The following PLEKHH2 variants were observed in gnomAD, a reference collection of about 807,000 sequenced individuals.
The protein encoded by PLEKHH2 is pleckstrin homology, MyTH4 and FERM domain containing H2.
A neutral mutation model predicts 187.9 loss-of-function variants in PLEKHH2; 129 were observed. The observed-to-expected ratio is 0.69, with a 90% confidence interval of 0.59 to 0.79. The LOEUF (loss-of-function observed/expected upper bound fraction) is 0.79, where lower values mean the gene tolerates loss of function less well. Ranked by LOEUF, PLEKHH2 falls within the 30% of genes least tolerant of loss-of-function variation. The pLI is 0.00. For missense variants in PLEKHH2, 2,076 were observed against 1,751.2 expected, an observed-to-expected ratio of 1.19 and a Z score of -3.31; for synonymous variants, 686 against 605.6, an observed-to-expected ratio of 1.13 and a Z score of -1.95.
At chr2:43,640,979 G>A (rs1048804149) in intron 1 of PLEKHH2, among the ~76,000 whole-genome samples, 18 of 125,038 alleles carry the variant, frequency 1.4e-4, no homozygotes, top group African/African-American at 5.2e-4. Context: ...TTTTAATAAA[G>A]ACAGGGTTTT....
intron 21 of PLEKHH2, among the ~76,000 whole-genome samples, chr2:43,742,095 G>C (rs576412438): frequency 1.2e-4 from 18 of 152,024 alleles, no homozygotes; most frequent in African/African-American, 4.1e-4. Flanking sequence ...CCACCTCCAA[G>C]GTCCAAGTGA....
intron 3 of PLEKHH2, among the ~76,000 whole-genome samples, chr2:43,690,928 T>C (rs909774458): frequency 6.6e-6 from 1 of 152,254 alleles, no homozygotes; most frequent in Non-Finnish European, 1.5e-5. Flanking sequence ...TAGGAAAATC[T>C]AAACTTTACT....
At chr2:43,689,975 C>A (rs565874615) in intron 3 of PLEKHH2, among the ~76,000 whole-genome samples, 14 of 152,286 alleles carry the variant, frequency 9.2e-5, no homozygotes, top group African/African-American at 2.6e-4. Context: ...TAAAAGGACA[C>A]TAGATGTAGG....
At chr2:43,717,902 A>T (rs1365564550) in intron 15 of PLEKHH2, among the ~76,000 whole-genome samples, 1 of 152,234 alleles carries the variant, frequency 6.6e-6, no homozygotes, top group African/African-American at 2.4e-5. Context: ...ACACCAAAAA[A>T]TGCTAGCTAT....
chr2:43,728,562 CT>C (rs112664271), intron 17 of PLEKHH2, among the ~76,000 whole-genome samples: 2,427 of 135,736 alleles, frequency 0.018, 64 homozygotes, highest in African/African-American at 0.057. Flanking sequence ...ACACAATACT[CT>C]TTTTTTTTTT....
chr2:43,726,173 G>A, intron 16 of PLEKHH2, 99 bp from the exon 17 acceptor site: 2 of 804,326 alleles, frequency 2.5e-6, no homozygotes, highest in Admixed American at 3.2e-5. Context: ...ATTTTTAAAG[G>A]TATGCTTTAT....
At chr2:43,647,445 T>G (rs1666235258) in intron 2 of PLEKHH2, among the ~76,000 whole-genome samples, 1 of 152,198 alleles carries the variant, frequency 6.6e-6, no homozygotes, top group Non-Finnish European at 1.5e-5. Context: ...ATATGGCCTT[T>G]CTAATTTTCA....
rs955041573 is a variant in PLEKHH2, at chr2:43,700,555, A to G, written c.1597A>G (p.Lys533Glu). The stretch of plus-strand genomic sequence containing the variant: ...CCAGGAACACTGTGACTCAGCAAAG[A>G]AGGTGGCATACAGCAAACCTCCAAC... The part of the protein sequence containing the change: ...DDQEHCDSAK[K>E]VAYSKPPTPP... Residue 533 changes from lysine (K) to glutamate (E), a missense_variant, in exon 8 of 30, where the codon AAG becomes GAG. Physicochemically the swap from Lys to Glu is moderately conservative, Grantham distance 56 (BLOSUM62 1). Coordinates refer to ENST00000282406, the MANE Select transcript of PLEKHH2 (RefSeq NM_172069.4). 6.2e-7 allele frequency: 1 copy of G among 1,613,318 alleles called. No individual in the cohort carries two copies. Among genetic ancestry groups the G allele is most frequent in the Admixed American group, 1.7e-5 (1 of 60,024 alleles).
At chr2:43,707,829 G>A (rs558338836) in intron 11 of PLEKHH2, among the ~76,000 whole-genome samples, 1 of 150,188 alleles carries the variant, frequency 6.7e-6, no homozygotes, top group Admixed American at 6.6e-5. Flanking sequence ...CCAAAATGAG[G>A]TTTCTTTCTT....
At position 43,739,592 on chromosome 2, in the gene PLEKHH2, C is replaced by A. The variant is rs150555457; in HGVS notation, c.3123+1072C>A. On this transcript the variant is annotated intron_variant, in intron 20 of 29. Transcript: ENST00000282406. ...TTTGCACATTTTAGAAATCATATGA[C>A]CATGTAAACACAGTTAATAAGCCTT... 3.0e-4 allele frequency among the ~76,000 whole-genome samples: 46 copies of A among 152,328 alleles called. No homozygotes were observed. The East Asian group carries it at 6.4e-3, about 21-fold the overall frequency.
intron 19 of PLEKHH2, among the ~76,000 whole-genome samples, chr2:43,734,306 T>G (rs1671187008): frequency 1.3e-5 from 2 of 152,202 alleles, no homozygotes; most frequent in Admixed American, 1.3e-4. Context: ...AGTATTGCTT[T>G]CATATGAGAA....
chr2:43,760,244 G>A (rs529419483), intron 27 of PLEKHH2, among the ~76,000 whole-genome samples: 33 of 151,772 alleles, frequency 2.2e-4, no homozygotes, highest in African/African-American at 7.3e-4. Context: ...TACGTGACAA[G>A]CATCTTTTTT....
chr2:43,750,143 G>C (rs908501035), intron 24 of PLEKHH2, among the ~76,000 whole-genome samples: 6 of 152,124 alleles, frequency 3.9e-5, no homozygotes, highest in Admixed American at 1.3e-4. Flanking sequence ...ATTTCTCCTA[G>C]CTATGTTCAC....
intron 10 of PLEKHH2, 38 bp downstream of exon 10, chr2:43,706,454 C>T (rs1669661770): frequency 1.5e-6 from 2 of 1,366,026 alleles, no homozygotes; most frequent in South Asian, 1.2e-5. Flanking sequence ...ATGTGCTTCT[C>T]TTCATGATGG....
rs1323501670 is a variant in PLEKHH2 at position 43,767,953 on chromosome 2, C to T, written c.*2355C>T. The stretch of plus-strand genomic sequence containing the variant: ...AATATTTGTCTCCTATCATTTTCTT[C>T]CCTTTCAGTCATAATAAATGATTTA... On this transcript the variant is annotated 3_prime_UTR_variant, in exon 30 of 30. Transcript: ENST00000282406. 1.3e-5 allele frequency: 2 copies of T among 152,706 alleles called. No homozygotes were observed. Among genetic ancestry groups the T allele is most frequent in the South Asian group, 2.1e-4 (1 of 4,824 alleles). The allele number at this position is 152,706 out of a possible 1,614,324, so 9.5% of individuals were successfully genotyped here.
At chr2:43,678,753 G>GAGGTGGAGGTGC in intron 2 of PLEKHH2, 110 bp from the exon 3 acceptor site, 1 of 699,988 alleles carries the variant, frequency 1.4e-6, no homozygotes, top group Non-Finnish European at 2.5e-6. Flanking sequence ...GGTGGAGGTG[G>GAGGTGGAGGTGC]AGGTGGAGGT....
Position 43,765,479 on chromosome 2 carries a change from C to T in PLEKHH2, c.4363C>T (p.His1455Tyr), listed in dbSNP as rs779721935. 1 of 1,614,122 alleles carries T rather than the reference C, an allele frequency of 6.2e-7. No homozygotes were observed. Among genetic ancestry groups the T allele is most frequent in the Admixed American group, 1.7e-5 (1 of 60,014 alleles). Reference sequence around the variant, plus strand: ...CTTCCATCAGCAAAAGGCAGCATTTCACCACCTCTCTGCTCCAGCACTGCT... The same window carrying T: ...CTTCCATCAGCAAAAGGCAGCATTTTACCACCTCTCTGCTCCAGCACTGCT... The part of the protein sequence containing the change: ...NNFHQQKAAF[H>Y]HLSAPALLSA... The change falls in exon 30 of 30, where the codon CAC becomes TAC. Residue 1455 changes from histidine (H) to tyrosine (Y), a missense_variant. By Grantham distance (83) the His-to-Tyr change is moderately conservative. Coordinates refer to ENST00000282406, the MANE Select transcript of PLEKHH2 (RefSeq NM_172069.4).
At chr2:43,741,352 A>G (rs1025491867) in intron 21 of PLEKHH2, 5 of 176,400 alleles carry the variant, frequency 2.8e-5, no homozygotes, top group Admixed American at 6.1e-5. Flanking sequence ...AAAAGCAACT[A>G]TTTTGTTTCC....
At chr2:43,689,774 C>T (rs1376955019) in intron 3 of PLEKHH2, among the ~76,000 whole-genome samples, 3 of 152,298 alleles carry the variant, frequency 2.0e-5, no homozygotes, top group South Asian at 2.1e-4. Context: ...GAGCTTCAGA[C>T]AGCAAGGATG....
Sources: allele counts gnomAD v4.1 joint callset (sites outside exome capture counted in the v4.1 genomes callset), GRCh38; gene constraint gnomAD v4.1.1; transcripts MANE v1.5; gene names NCBI Gene and HGNC (gene_info 2026-07-23, HGNC 2026-07-21).